FSTL5: variants seen among roughly 807,000 people sequenced by gnomAD.
FSTL5 encodes the protein follistatin like 5, also known as follistatin-related protein 5.
In FSTL5, 62 loss-of-function variants were observed where a neutral mutation model predicts 89.1. That is an observed-to-expected ratio of 0.70 (90% confidence interval 0.57 to 0.86). FSTL5 has a LOEUF of 0.86. Among genes scored for constraint, FSTL5 ranks in the 40% least tolerant of loss-of-function variants. FSTL5 has a pLI of 0.00. For synonymous variants in FSTL5, 383 were observed against 346.2 expected (o/e 1.11, Z -1.18); for missense variants, 1,057 against 1,001.6 (o/e 1.06, Z -0.75).
chr4:161,751,552 C>T (rs1455071903), intron 6 of FSTL5, among the ~76,000 whole-genome samples: 1 of 152,054 alleles, frequency 6.6e-6, no homozygotes, highest in Non-Finnish European at 1.5e-5. Flanking sequence ...CTTTGGGAGG[C>T]TCACTTGAAG....
At chr4:161,649,304 C>G (rs1160484437) in intron 7 of FSTL5, among the ~76,000 whole-genome samples, 2 of 152,162 alleles carry the variant, frequency 1.3e-5, no homozygotes, top group Non-Finnish European at 2.9e-5. Flanking sequence ...GATGTTTATA[C>G]TTCTTTTTAA....
chr4:161,551,406 C>G (rs1436052003), intron 8 of FSTL5, among the ~76,000 whole-genome samples: 2 of 151,044 alleles, frequency 1.3e-5, no homozygotes, highest in African/African-American at 4.9e-5. Flanking sequence ...CTGTTCATGT[C>G]CTTTGTCCAC....
chr4:161,618,094 G>T (rs1206556496), intron 7 of FSTL5, among the ~76,000 whole-genome samples: 8 of 149,902 alleles, frequency 5.3e-5, no homozygotes, highest in African/African-American at 2.0e-4. Context: ...AATTGTGAAT[G>T]GGAGTTCACT....
intron 6 of FSTL5, among the ~76,000 whole-genome samples, chr4:161,682,253 T>A (rs141226427): frequency 1.2e-4 from 19 of 152,340 alleles, no homozygotes; most frequent in African/African-American, 4.6e-4. Flanking sequence ...AGGACATTCC[T>A]GTATGCTACC....
chr4:161,929,261 A>T, intron 3 of FSTL5, among the ~76,000 whole-genome samples: 1 of 147,796 alleles, frequency 6.8e-6, no homozygotes, highest in Non-Finnish European at 1.5e-5. Flanking sequence ...TTTTTGTCAG[A>T]GATCAGTTAA....
intron 8 of FSTL5, among the ~76,000 whole-genome samples, chr4:161,584,648 T>C (rs1733545937): frequency 6.6e-6 from 1 of 152,202 alleles, no homozygotes; most frequent in African/African-American, 2.4e-5. Context: ...CCTTTCTCTC[T>C]TGAATTGACT....
At chr4:161,976,032 CG>C (rs1735633748) in intron 3 of FSTL5, among the ~76,000 whole-genome samples, 1 of 148,144 alleles carries the variant, frequency 6.8e-6, no homozygotes, top group Non-Finnish European at 1.5e-5. Context: ...GCAGGAGAAT[CG>C]CGTGAACTCG....
intron 6 of FSTL5, among the ~76,000 whole-genome samples, chr4:161,720,048 A>G (rs1243154179): frequency 6.6e-6 from 1 of 152,162 alleles, no homozygotes; most frequent in African/African-American, 2.4e-5. Flanking sequence ...AACAATAGAC[A>G]AGTGGAATTG....
intron 12 of FSTL5, among the ~76,000 whole-genome samples, chr4:161,490,330 T>C (rs1345546621): frequency 6.6e-6 from 1 of 152,170 alleles, no homozygotes; most frequent in Non-Finnish European, 1.5e-5. Context: ...ACACATGTTG[T>C]ACAATTTCTA....
At position 161,794,637 on chromosome 4, in the gene FSTL5, A is replaced by G. The variant is rs186454478; in HGVS notation, c.410-18563T>C. On this transcript the variant is annotated intron_variant, in intron 4 of 15. Transcript: ENST00000306100. ...GGGCAATGCTTTGTTTTTCCCTTTA[A>G]CATCCTTTTCCTAAATCACATTTTA... Among the ~76,000 whole-genome samples the G allele has an allele frequency of 3.3e-5, 5 of 152,250 alleles. No homozygotes were observed. The East Asian group carries it at 9.7e-4, about 29-fold the overall frequency.
At chr4:161,502,737 A>G (rs969848093) in intron 11 of FSTL5, among the ~76,000 whole-genome samples, 1 of 151,758 alleles carries the variant, frequency 6.6e-6, no homozygotes, top group Non-Finnish European at 1.5e-5. Flanking sequence ...AGCAGAATTT[A>G]TGATCTGAAC....
chr4:162,110,538 C>T (rs956456998), intron 2 of FSTL5, among the ~76,000 whole-genome samples: 1 of 151,566 alleles, frequency 6.6e-6, no homozygotes, highest in Admixed American at 6.6e-5. Flanking sequence ...AAAGTTTTCT[C>T]CAATAATTAG....
At chr4:161,613,448 C>CAAAA (rs557598699) in intron 7 of FSTL5, among the ~76,000 whole-genome samples, 5 of 109,562 alleles carry the variant, frequency 4.6e-5, no homozygotes, top group Admixed American at 4.5e-4. Context: ...GTCTCCGTTT[C>CAAAA]AAAAAAAAAA....
intron 3 of FSTL5, among the ~76,000 whole-genome samples, chr4:162,024,377 T>C (rs1472267000): frequency 6.6e-6 from 1 of 151,610 alleles, no homozygotes; most frequent in Non-Finnish European, 1.5e-5. Flanking sequence ...CTGACAGATA[T>C]TTTGTCTTTA....
At chr4:161,398,794 C>A (rs1004724770) in intron 15 of FSTL5, among the ~76,000 whole-genome samples, 4 of 152,094 alleles carry the variant, frequency 2.6e-5, no homozygotes, top group Admixed American at 6.6e-5. Flanking sequence ...CATATGTCTG[C>A]CCCTTGTGAT....
At chr4:161,740,602 A>G (rs548392998) in intron 6 of FSTL5, among the ~76,000 whole-genome samples, 1 of 152,338 alleles carries the variant, frequency 6.6e-6, no homozygotes, top group East Asian at 1.9e-4. Context: ...TATTTATGCT[A>G]TATCACATTA....
At chr4:162,045,805 AAAAT>A (rs1159703261) in intron 2 of FSTL5, among the ~76,000 whole-genome samples, 1 of 152,214 alleles carries the variant, frequency 6.6e-6, no homozygotes, top group Non-Finnish European at 1.5e-5. Flanking sequence ...AAATGGAAAT[AAAAT>A]AAATAATTTT....
At chr4:161,686,592 C>T (rs1737754644) in intron 6 of FSTL5, among the ~76,000 whole-genome samples, 1 of 151,082 alleles carries the variant, frequency 6.6e-6, no homozygotes, top group African/African-American at 2.4e-5. Flanking sequence ...GATCTCCTGA[C>T]CTCGTGATCT....
At chr4:161,509,767 T>C (rs145199391) in intron 11 of FSTL5, among the ~76,000 whole-genome samples, 1 of 152,288 alleles carries the variant, frequency 6.6e-6, no homozygotes, top group Non-Finnish European at 1.5e-5. Context: ...ACTATTTAAG[T>C]ACTGGGGCAA....
Sources: allele counts gnomAD v4.1 joint callset (sites outside exome capture counted in the v4.1 genomes callset), GRCh38; gene constraint gnomAD v4.1.1; transcripts MANE v1.5; gene names NCBI Gene and HGNC (gene_info 2026-07-23, HGNC 2026-07-21).